THSD7B: variants seen among roughly 807,000 people sequenced by gnomAD.
THSD7B encodes the protein thrombospondin type 1 domain containing 7B.
A neutral mutation model predicts 213.6 loss-of-function variants in THSD7B; 138 were observed. The observed-to-expected ratio is 0.65, with a 90% CI of 0.56 to 0.74. THSD7B has a LOEUF of 0.74. THSD7B is among the 30% of genes least tolerant of loss of function. The pLI is 0.00. For missense variants in THSD7B, 1,931 were observed against 1,991.5 expected (o/e 0.97, Z 0.58); for synonymous variants, 742 against 687.0 (o/e 1.08, Z -1.25).
intron 1 of THSD7B, among the ~76,000 whole-genome samples, chr2:136,784,401 C>A (rs1278682210): frequency 2.6e-5 from 4 of 151,886 alleles, no homozygotes; most frequent in African/African-American, 9.7e-5. Context: ...AATGGCTAGG[C>A]ACAGATTTTT....
intron 7 of THSD7B, among the ~76,000 whole-genome samples, chr2:137,214,505 C>T (rs936634227): frequency 3.9e-5 from 6 of 152,076 alleles, no homozygotes; most frequent in Non-Finnish European, 8.8e-5. Context: ...CATAGGTATA[C>T]ACATGCCATG....
chr2:137,445,261 G>A (rs78891081), intron 14 of THSD7B, among the ~76,000 whole-genome samples: 1 of 151,914 alleles, frequency 6.6e-6, no homozygotes, highest in African/African-American at 2.4e-5. Context: ...TGCTGGGTAT[G>A]TAACCAAAAG....
chr2:137,100,860 A>ACAAT, intron 4 of THSD7B, among the ~76,000 whole-genome samples: 1 of 152,108 alleles, frequency 6.6e-6, no homozygotes, highest in Non-Finnish European at 1.5e-5. Context: ...CCACAGTTCC[A>ACAAT]CAATCCTGCT....
At chr2:137,044,862 T>A (rs1686942764) in intron 2 of THSD7B, among the ~76,000 whole-genome samples, 1 of 152,210 alleles carries the variant, frequency 6.6e-6, no homozygotes, top group Non-Finnish European at 1.5e-5. Context: ...TCTGAATTCC[T>A]GAATCCATGT....
At chr2:137,545,982 C>T (rs1240381033) in intron 15 of THSD7B, among the ~76,000 whole-genome samples, 1 of 151,418 alleles carries the variant, frequency 6.6e-6, no homozygotes, top group African/African-American at 2.4e-5. Context: ...TAATTCAAGA[C>T]ATCCTTTATT....
intron 14 of THSD7B, among the ~76,000 whole-genome samples, chr2:137,449,364 G>A (rs980051663): frequency 1.3e-4 from 20 of 152,288 alleles, no homozygotes; most frequent in Admixed American, 5.2e-4. Flanking sequence ...CTTTTCCATT[G>A]TTGCATAAAA....
At chr2:137,129,467 TCTCA>T (rs1191424311) in intron 5 of THSD7B, among the ~76,000 whole-genome samples, 1 of 151,554 alleles carries the variant, frequency 6.6e-6, no homozygotes, top group Non-Finnish European at 1.5e-5. Context: ...TAAGACAGAG[TCTCA>T]CTCTGTCACC....
intron 14 of THSD7B, among the ~76,000 whole-genome samples, chr2:137,439,137 A>C (rs1687348581): frequency 6.6e-6 from 1 of 152,128 alleles, no homozygotes; most frequent in South Asian, 2.1e-4. Context: ...ATGCACCAAA[A>C]TGAATTAAGC....
intron 1 of THSD7B, among the ~76,000 whole-genome samples, chr2:136,864,133 T>A (rs1346732): frequency 0.79 from 120,775 of 152,172 alleles, 48,220 homozygotes; most frequent in Middle Eastern, 0.94. Flanking sequence ...GGGAAAAACA[T>A]TGTTTCACTG....
chr2:136,928,183 G>T (rs1449871369), intron 2 of THSD7B, among the ~76,000 whole-genome samples: 1 of 152,122 alleles, frequency 6.6e-6, no homozygotes, highest in East Asian at 1.9e-4. Context: ...CACATGTTTA[G>T]AACATTTACA....
At chr2:136,912,872 C>T (rs6706352) in intron 2 of THSD7B, among the ~76,000 whole-genome samples, 11,270 of 152,162 alleles carry the variant, frequency 0.074, 670 homozygotes, top group African/African-American at 0.16. Context: ...TCTTTACCAG[C>T]AGCATGAAAA....
intron 7 of THSD7B, among the ~76,000 whole-genome samples, chr2:137,207,399 G>T (rs371897913): frequency 2.0e-5 from 3 of 151,978 alleles, no homozygotes; most frequent in East Asian, 1.9e-4. Context: ...TGTAAAGGAC[G>T]CATATTATAA....
At chr2:136,848,898 T>C (rs916498913) in intron 1 of THSD7B, among the ~76,000 whole-genome samples, 3 of 152,116 alleles carry the variant, frequency 2.0e-5, no homozygotes, top group Non-Finnish European at 2.9e-5. Context: ...TTTTAGACAA[T>C]AATAATTTTG....
At chr2:137,339,920 T>C (rs1573970352) in intron 12 of THSD7B, among the ~76,000 whole-genome samples, 1 of 151,700 alleles carries the variant, frequency 6.6e-6, no homozygotes, top group Admixed American at 6.6e-5. Flanking sequence ...TAATCCAGCT[T>C]CTCTCCTTAT....
intron 3 of THSD7B, among the ~76,000 whole-genome samples, chr2:137,089,675 GAGTC>G (rs1046100678): frequency 1.3e-5 from 2 of 152,024 alleles, no homozygotes; most frequent in Non-Finnish European, 2.9e-5. Context: ...GGTGGGAAGA[GAGTC>G]AGGGATAAAA....
intron 2 of THSD7B, among the ~76,000 whole-genome samples, chr2:136,925,657 A>AT (rs549073043): frequency 5.6e-4 from 85 of 152,192 alleles, no homozygotes; most frequent in Non-Finnish European, 1.1e-3. Context: ...CCTTCGTGTG[A>AT]TTTTGGGATC....
At chr2:137,354,123 T>G (rs1011957739) in intron 12 of THSD7B, among the ~76,000 whole-genome samples, 4 of 151,978 alleles carry the variant, frequency 2.6e-5, no homozygotes, top group African/African-American at 9.7e-5. Flanking sequence ...TCCACTAAAA[T>G]ACCTTACGAC....
chr2:137,457,651 A>G lies in THSD7B; in HGVS notation c.3138+6628A>G, dbSNP rs190186929. Among the ~76,000 whole-genome samples the G allele has an allele frequency of 5.3e-5, 8 of 152,330 alleles. 1 individual carries two copies. In the East Asian group the frequency reaches 1.5e-3, roughly 29 times the overall value. ...AGTAGAAGCTCCCAAGTAGTTTTCTAGAAAAACATTACAACCTGCTTTTCA... is the reference window on the plus strand; with the variant it reads ...AGTAGAAGCTCCCAAGTAGTTTTCTGGAAAAACATTACAACCTGCTTTTCA... On this transcript the variant is annotated intron_variant, in intron 15 of 27. Transcript: ENST00000409968.
At chr2:136,971,407 A>G (rs971991766) in intron 2 of THSD7B, among the ~76,000 whole-genome samples, 1 of 151,714 alleles carries the variant, frequency 6.6e-6, no homozygotes, top group Admixed American at 6.6e-5. Context: ...CACTCATGAT[A>G]TGTTGTACCA....
Sources: allele counts gnomAD v4.1 joint callset (sites outside exome capture counted in the v4.1 genomes callset), GRCh38; gene constraint gnomAD v4.1.1; transcripts MANE v1.5; gene names NCBI Gene and HGNC (gene_info 2026-07-23, HGNC 2026-07-21).